The following DDHD1 variants were observed in gnomAD, a reference collection of about 807,000 sequenced individuals.
The protein encoded by DDHD1 is phospholipase DDHD1.
In DDHD1, 49 loss-of-function variants were observed where a neutral mutation model predicts 96.4. The ratio of observed to expected loss-of-function variants is 0.51; its 90% CI spans 0.40 to 0.64. The LOEUF is 0.64. Ranked by LOEUF, DDHD1 falls within the 30% of genes least tolerant of loss-of-function variation. DDHD1 has a pLI of 0.00. For synonymous variants in DDHD1, 442 were observed against 446.5 expected, an observed-to-expected ratio of 0.99 and a Z score of 0.13; for missense variants, 1,106 against 1,161.2, an observed-to-expected ratio of 0.95 and a Z score of 0.69.
At chr14:53,100,429 C>T (rs1045719404) in intron 2 of DDHD1, among the ~76,000 whole-genome samples, 13 of 152,108 alleles carry the variant, frequency 8.5e-5, no homozygotes, top group Admixed American at 8.5e-4. Context: ...GATTATGCCA[C>T]TGCACTGCAG....
At position 53,153,181 on chromosome 14, in the gene DDHD1, C is replaced by G; in HGVS notation, c.-83G>C. On this transcript the variant is annotated 5_prime_UTR_variant, in exon 1 of 13. Coordinates refer to ENST00000673822, the MANE Select transcript of DDHD1 (RefSeq NM_001160148.2). Reference sequence around the variant, plus strand: ...CCGCCACACATTCAACGCCGCCGCCCTCTCCACCCGAAGTTTCTAATCTTT... The same window carrying G: ...CCGCCACACATTCAACGCCGCCGCCGTCTCCACCCGAAGTTTCTAATCTTT... 8.4e-7 allele frequency: 1 copy of G among 1,185,716 alleles called. No homozygotes were observed. Among genetic ancestry groups the G allele is most frequent in the Non-Finnish European group, 1.1e-6 (1 of 912,268 alleles). 73.4% of individuals were successfully genotyped at this position (1,185,716 alleles called of 1,614,324 possible).
intron 2 of DDHD1, among the ~76,000 whole-genome samples, chr14:53,100,445 G>A (rs906444995): frequency 1.3e-5 from 2 of 152,144 alleles, no homozygotes; most frequent in Non-Finnish European, 2.9e-5. Context: ...TGCAGCCTGG[G>A]TGACAGAGAA....
intron 4 of DDHD1, among the ~76,000 whole-genome samples, chr14:53,089,021 C>A (rs1886215767): frequency 6.6e-6 from 1 of 152,090 alleles, no homozygotes; most frequent in African/African-American, 2.4e-5. Flanking sequence ...TTCTTATAAA[C>A]CAATAACAGA....
chr14:53,114,089 C>A (rs1204980176), intron 1 of DDHD1, among the ~76,000 whole-genome samples: 1 of 152,200 alleles, frequency 6.6e-6, no homozygotes, highest in African/African-American at 2.4e-5. Flanking sequence ...CCTGACAGTG[C>A]TAAGGTGCCT....
intron 6 of DDHD1, among the ~76,000 whole-genome samples, chr14:53,070,319 G>A (rs528692864): frequency 5.9e-5 from 9 of 152,066 alleles, no homozygotes; most frequent in East Asian, 1.9e-4. Context: ...CCTTTCCTCC[G>A]TTTATAGTTA....
At chr14:53,063,459 G>C (rs937254409) in intron 6 of DDHD1, among the ~76,000 whole-genome samples, 1 of 150,206 alleles carries the variant, frequency 6.7e-6, no homozygotes, top group Non-Finnish European at 1.5e-5. Flanking sequence ...TAAACCAACT[G>C]TATAAGCCAG....
chr14:53,126,942 C>T (rs184382163), intron 1 of DDHD1, among the ~76,000 whole-genome samples: 5 of 152,050 alleles, frequency 3.3e-5, no homozygotes, highest in Non-Finnish European at 7.4e-5. Context: ...AAAACAATCA[C>T]GTGAGAATTT....
At position 53,063,001 on chromosome 14, in the gene DDHD1, G is replaced by T; in HGVS notation, c.1708C>A (p.Arg570=). The T allele has an allele frequency of 6.2e-7, 1 of 1,613,944 alleles. No homozygotes were observed. Among genetic ancestry groups the T allele is most frequent in the Non-Finnish European group, 8.5e-7 (1 of 1,179,970 alleles). The part of the protein sequence containing the change: ...LQKEEELPDE[R]WMSYEERHLL... Reference sequence around the variant, plus strand: ...TGTCGTTCTTCATAGCTCATCCATCGTTCATCAGGCAACTCTTCTTCCTTT... The same window carrying T: ...TGTCGTTCTTCATAGCTCATCCATCTTTCATCAGGCAACTCTTCTTCCTTT... Residue 570 remains arginine (R), a synonymous_variant, in exon 7 of 13, where the codon CGA becomes AGA. Transcript: ENST00000673822.
intron 1 of DDHD1, among the ~76,000 whole-genome samples, chr14:53,147,111 T>C (rs886331964): frequency 2.6e-5 from 4 of 152,196 alleles, no homozygotes; most frequent in African/African-American, 9.6e-5. Context: ...ATTCTCCTTC[T>C]AGTTCTCCTC....
At chr14:53,152,113 G>GAT in intron 1 of DDHD1, 148 bp downstream of exon 1, 1 of 833,742 alleles carries the variant, frequency 1.2e-6, no homozygotes, top group Non-Finnish European at 1.8e-6. Context: ...AGCTGCCGAC[G>GAT]CTCCCTGCTC....
chr14:53,117,501 CT>C (rs954488486), intron 1 of DDHD1, among the ~76,000 whole-genome samples: 12 of 152,240 alleles, frequency 7.9e-5, no homozygotes, highest in African/African-American at 2.9e-4. Flanking sequence ...CCTCCTGTCA[CT>C]GGTTTGGCAG....
rs192441011 is a variant in DDHD1 at position 53,098,499 on chromosome 14, C to A, written c.1013-5055G>T. On this transcript the variant is annotated intron_variant, in intron 2 of 12. Coordinates refer to ENST00000673822, the MANE Select transcript of DDHD1 (RefSeq NM_001160148.2). ...CTGAAAAATTCCAACCCCAGGGAAG[C>A]AGTCTTACACATCTCTAACCTGCCA... Among the ~76,000 whole-genome samples the A allele has an allele frequency of 8.6e-3, 1,303 of 152,078 alleles. 35 individuals carry two copies. Among genetic ancestry groups the A allele is most frequent in the Admixed American group, 0.024 (368 of 15,272 alleles).
In DDHD1 at chr14:53,042,377, A is replaced by G. The variant is rs1881719798; in HGVS notation, c.*4391T>C. 1 of 152,004 alleles carries G rather than the reference A, an allele frequency of 6.6e-6. No individual in the cohort carries two copies. The highest frequency in any genetic ancestry group is 1.5e-5 in the Non-Finnish European group (1 of 68,018). The allele number at this position is 152,004 out of a possible 1,614,324, so 9.4% of individuals were successfully genotyped here. A position where few individuals can be genotyped will look rare whatever the true frequency, so the allele number is the denominator to read the frequency against. On this transcript the variant is annotated 3_prime_UTR_variant, in exon 13 of 13. Transcript: ENST00000673822. ...CCAGCTTTAAAATTCCATCATTAAT[A>G]TTTTTTTACTTTACCACTTCCCTCA...
chr14:53,152,221 G>A (rs1412111161), intron 1 of DDHD1, 40 bp downstream of exon 1: 2 of 1,540,814 alleles, frequency 1.3e-6, no homozygotes, highest in Non-Finnish European at 1.8e-6. Context: ...GGCCCATGCA[G>A]GGGCAGCCCG....
At chr14:53,152,113 GCTC>G in intron 1 of DDHD1, 145 bp downstream of exon 1, 23 of 833,654 alleles carry the variant, frequency 2.8e-5, no homozygotes, top group South Asian at 9.7e-5. Context: ...AGCTGCCGAC[GCTC>G]CCTGCTCAAT....
intron 1 of DDHD1, among the ~76,000 whole-genome samples, chr14:53,141,989 T>C (rs1890671609): frequency 6.6e-6 from 1 of 152,204 alleles, no homozygotes; most frequent in African/African-American, 2.4e-5. Context: ...CAGCCTGGCT[T>C]AGCTAACACT....
chr14:53,095,589 G>C (rs1338230220), intron 2 of DDHD1, among the ~76,000 whole-genome samples: 4 of 152,056 alleles, frequency 2.6e-5, no homozygotes, highest in African/African-American at 9.7e-5. Context: ...ACCAGATCAA[G>C]ATTCAATTAA....
intron 1 of DDHD1, among the ~76,000 whole-genome samples, chr14:53,147,315 A>C (rs1891063245): frequency 6.6e-6 from 1 of 152,256 alleles, no homozygotes; most frequent in Non-Finnish European, 1.5e-5. Flanking sequence ...AGAGAGAAGC[A>C]TACTCAAGGT....
intron 2 of DDHD1, among the ~76,000 whole-genome samples, chr14:53,100,603 A>G (rs1887228444): frequency 6.6e-6 from 1 of 152,194 alleles, no homozygotes; most frequent in Non-Finnish European, 1.5e-5. Flanking sequence ...CCAATCCCCC[A>G]CAAATACCAA....
Sources: gnomAD v4.1 joint callset for allele counts (sites outside exome capture counted in the v4.1 genomes callset) on GRCh38, gnomAD v4.1.1 for gene constraint, MANE v1.5 for transcripts, NCBI Gene and HGNC (gene_info 2026-07-23, HGNC 2026-07-21) for gene names.